Variants in NEDD4L observed in about 807,000 individuals in gnomAD.
NEDD4L encodes E3 ubiquitin-protein ligase NEDD4-like.
Under a neutral mutation model 148.9 loss-of-function variants are expected in NEDD4L, and 54 were observed. That is an observed-to-expected ratio of 0.36 (90% CI 0.29 to 0.45). The LOEUF is 0.45. Ranked by LOEUF, NEDD4L falls within the 20% of genes least tolerant of loss-of-function variation. The probability of loss-of-function intolerance (pLI) is 1.00; values close to 1 mark genes in which losing one functional copy is unlikely to be tolerated. For missense variants in NEDD4L, 856 were observed against 1,233.8 expected, an observed-to-expected ratio of 0.69 and a Z score of 4.59; for synonymous variants, 433 against 440.7, an observed-to-expected ratio of 0.98 and a Z score of 0.22.
chr18:58,141,416 C>G (rs777523264), intron 1 of NEDD4L, among the ~76,000 whole-genome samples: 1 of 152,092 alleles, frequency 6.6e-6, no homozygotes, highest in South Asian at 2.1e-4. Context: ...AAACAAAATT[C>G]CTTTAATCAC....
intron 1 of NEDD4L, among the ~76,000 whole-genome samples, chr18:58,097,424 T>G (rs191020606): frequency 2.3e-3 from 354 of 152,308 alleles, no homozygotes; most frequent in African/African-American, 8.3e-3. Flanking sequence ...GTTGAAGTGA[T>G]ACAGCACCAG....
At chr18:58,202,385 G>A (rs533507023) in intron 2 of NEDD4L, among the ~76,000 whole-genome samples, 2 of 152,224 alleles carry the variant, frequency 1.3e-5, no homozygotes, top group Non-Finnish European at 2.9e-5. Flanking sequence ...TGTGGTCCAT[G>A]GGCAGCAGCA....
chr18:58,191,873 A>G (rs1466637169), intron 2 of NEDD4L, among the ~76,000 whole-genome samples: 1 of 152,208 alleles, frequency 6.6e-6, no homozygotes, highest in East Asian at 1.9e-4. Flanking sequence ...GACAAGGTAC[A>G]TGGTACAAGC....
chr18:58,317,709 G>A (rs187459281), intron 6 of NEDD4L, among the ~76,000 whole-genome samples: 1 of 152,182 alleles, frequency 6.6e-6, no homozygotes, highest in African/African-American at 2.4e-5. Context: ...TGGAGGCAGG[G>A]TCAGTGAGCC....
intron 1 of NEDD4L, among the ~76,000 whole-genome samples, chr18:58,145,109 C>T (rs989768297): frequency 4.6e-5 from 7 of 152,168 alleles, no homozygotes; most frequent in East Asian, 3.9e-4. Context: ...GGGACGACAT[C>T]GGACCCCACT....
intron 1 of NEDD4L, among the ~76,000 whole-genome samples, chr18:58,103,085 C>G (rs1021007476): frequency 1.3e-5 from 2 of 151,692 alleles, no homozygotes; most frequent in Non-Finnish European, 2.9e-5. Context: ...GTCGATACTC[C>G]CAGAATGAAC....
At chr18:58,139,859 G>A (rs1031840791) in intron 1 of NEDD4L, among the ~76,000 whole-genome samples, 4 of 152,162 alleles carry the variant, frequency 2.6e-5, no homozygotes, top group Non-Finnish European at 5.9e-5. Flanking sequence ...GGCAGGAGTG[G>A]AGAGAGGCGA....
intron 14 of NEDD4L, 66 bp from the exon 15 acceptor site, chr18:58,341,612 G>T (rs746976181): frequency 1.3e-6 from 2 of 1,550,246 alleles, no homozygotes; most frequent in African/African-American, 2.7e-5. Context: ...GTTTGGGTTC[G>T]CGCTCCTAAT....
intron 1 of NEDD4L, among the ~76,000 whole-genome samples, chr18:58,156,076 A>T (rs2035456137): frequency 6.6e-6 from 1 of 152,138 alleles, no homozygotes; most frequent in African/African-American, 2.4e-5. Context: ...TTTGTGGAGG[A>T]TTCAAGCTGG....
intron 5 of NEDD4L, among the ~76,000 whole-genome samples, chr18:58,254,583 A>G (rs1411829989): frequency 6.9e-6 from 1 of 143,936 alleles, no homozygotes; most frequent in Admixed American, 6.9e-5. Flanking sequence ...AAAAGCCCAC[A>G]TGCACTCCCT....
intron 19 of NEDD4L, among the ~76,000 whole-genome samples, chr18:58,357,930 A>C (rs534783611): frequency 6.6e-6 from 1 of 152,350 alleles, no homozygotes; most frequent in African/African-American, 2.4e-5. Context: ...GACCACACTC[A>C]TCAGCAGAGA....
At chr18:58,163,908 A>G (rs1196923830) in intron 1 of NEDD4L, among the ~76,000 whole-genome samples, 2 of 151,638 alleles carry the variant, frequency 1.3e-5, no homozygotes, top group African/African-American at 4.9e-5. Context: ...TCTCTTCGAC[A>G]TTCTATAATC....
chr18:58,198,420 A>G (rs1045428737), intron 2 of NEDD4L, among the ~76,000 whole-genome samples: 3 of 152,266 alleles, frequency 2.0e-5, no homozygotes, highest in African/African-American at 2.4e-5. Flanking sequence ...GTCCTTCCCA[A>G]CTGGATCTTT....
chr18:58,363,157 GGTT>G (rs145767488), intron 19 of NEDD4L, among the ~76,000 whole-genome samples: 3,772 of 152,242 alleles, frequency 0.025, 170 homozygotes, highest in African/African-American at 0.087. Context: ...CTGGAAGAGT[GGTT>G]GTTTGTTTTG....
chr18:58,293,019 A>G (rs2054990574), intron 5 of NEDD4L, among the ~76,000 whole-genome samples: 2 of 152,198 alleles, frequency 1.3e-5, no homozygotes, highest in South Asian at 4.1e-4. Context: ...GGAGGTACCT[A>G]AAGTTGTATT....
intron 1 of NEDD4L, among the ~76,000 whole-genome samples, chr18:58,086,258 TA>T (rs2083752453): frequency 1.3e-5 from 2 of 152,218 alleles, no homozygotes; most frequent in South Asian, 2.1e-4. Flanking sequence ...TAAAATGTCC[TA>T]CCTGTTGTGT....
intron 18 of NEDD4L, among the ~76,000 whole-genome samples, chr18:58,356,828 T>G (rs1254423343): frequency 1.3e-5 from 2 of 152,210 alleles, no homozygotes; most frequent in Non-Finnish European, 2.9e-5. Context: ...TTTGGGAAAC[T>G]AAGACTTTTT....
At chr18:58,348,348 T>TTTTTTTTTTTTTTTTTC in intron 16 of NEDD4L, among the ~76,000 whole-genome samples, 1 of 110,968 alleles carries the variant, frequency 9.0e-6, no homozygotes, top group South Asian at 2.9e-4. Flanking sequence ...TTTTTTTTTT[T>TTTTTTTTTTTTTTTTTC]TGAGACGGAG....
In NEDD4L at chr18:58,396,167, C is replaced by A; in HGVS notation, c.2826C>A (p.Cys942Ter). ...SPEKLPRAHTCFNRLDLPPYE... is the reference protein window; with the variant it reads ...SPEKLPRAHT ...CCTACACTTTTTGTTCCTTTTGCAG[C>A]TTTAATCGCCTTGACTTACCTCCAT... The change falls in exon 31 of 31, where the codon TGC (cysteine) becomes TGA (stop). Residue 942 changes from cysteine (C) to a stop codon, truncating the protein, a stop_gained and splice_region_variant. Coordinates refer to ENST00000400345, the MANE Select transcript of NEDD4L (RefSeq NM_001144967.3). LOFTEE classifies it high-confidence loss of function. 1 of 1,610,288 alleles carries A rather than the reference C, an allele frequency of 6.2e-7. No homozygotes were observed. The highest frequency in any genetic ancestry group is 8.5e-7 in the Non-Finnish European group (1 of 1,176,940).
Sources: gnomAD v4.1 joint callset for allele counts (sites outside exome capture counted in the v4.1 genomes callset) on GRCh38, gnomAD v4.1.1 for gene constraint, MANE v1.5 for transcripts, NCBI Gene and HGNC (gene_info 2026-07-23, HGNC 2026-07-21) for gene names.